The following ANKRD30BL variants were observed in gnomAD, a reference collection of about 807,000 sequenced individuals.
ANKRD30BL encodes putative ankyrin repeat domain-containing protein 30B-like.
In ANKRD30BL, 20 loss-of-function variants were observed where a neutral mutation model predicts 18.4. The observed-to-expected ratio is 1.09, with a 90% CI of 0.77 to 1.58. ANKRD30BL has a LOEUF of 1.58. Ranked by LOEUF, ANKRD30BL falls within the 40% of genes most tolerant of loss-of-function variation. ANKRD30BL has a pLI of 0.00. For missense variants in ANKRD30BL, 224 were observed against 268.6 expected (o/e 0.83, Z 1.16); for synonymous variants, 72 against 100.9 (o/e 0.71, Z 1.72).
chr2:132,194,059 A>ACACACACACACACACT (rs1353609107), intron 1 of ANKRD30BL, among the ~76,000 whole-genome samples: 3 of 150,054 alleles, frequency 2.0e-5, no homozygotes, highest in East Asian at 2.0e-4. Context: ...TCTCTCTCAC[A>ACACACACACACACACT]CACACACACA....
intron 1 of ANKRD30BL, among the ~76,000 whole-genome samples, chr2:132,221,456 G>A (rs539206464): frequency 0.012 from 1,533 of 124,734 alleles, 33 homozygotes; most frequent in African/African-American, 0.061. Context: ...CACCCCGTCC[G>A]GGAGGTGAGG....
Position 132,192,597 on chromosome 2 carries a change from A to G in ANKRD30BL, n.442-35451T>C, listed in dbSNP as rs954994158. ...TCATGAGGTGGAAATAGTAAATATG[A>G]GACAAAGGCCAAGCAAGATGAGAGC... On this transcript the variant is annotated intron_variant and non_coding_transcript_variant, in intron 1 of 4. Coordinates refer to the ANKRD30BL transcript ENST00000470729. Among the ~76,000 whole-genome samples the G allele has an allele frequency of 1.0e-3, 153 of 152,380 alleles. 1 individual carries two copies. Among genetic ancestry groups the G allele is most frequent in the African/African-American group, 3.4e-3 (143 of 41,594 alleles).
At chr2:132,166,901 C>T (rs1415781318), upstream of ANKRD30BL, among the ~76,000 whole-genome samples, 1 of 151,854 alleles carries the variant, frequency 6.6e-6, no homozygotes, top group Non-Finnish European at 1.5e-5. Context: ...GATTTTATCT[C>T]TTTTTTCATA....
At chr2:132,231,611 G>T (rs1025139065) in intron 1 of ANKRD30BL, among the ~76,000 whole-genome samples, 2 of 152,168 alleles carry the variant, frequency 1.3e-5, no homozygotes, top group Non-Finnish European at 2.9e-5. Context: ...ACTCCCACCC[G>T]AATATAGCGC....
chr2:132,181,100 C>T (rs1688452589), intron 1 of ANKRD30BL, among the ~76,000 whole-genome samples: 2 of 151,688 alleles, frequency 1.3e-5, no homozygotes, highest in African/African-American at 2.4e-5. Context: ...GCCAAGATCC[C>T]GCCACTGCAC....
intron 1 of ANKRD30BL, among the ~76,000 whole-genome samples, chr2:132,196,008 G>C (rs998448034): frequency 2.6e-5 from 4 of 151,380 alleles, no homozygotes; most frequent in African/African-American, 9.7e-5. Flanking sequence ...CCAGCATGGT[G>C]GTGGGCACCT....
At chr2:132,246,265 C>A (rs368294088) in intron 1 of ANKRD30BL, among the ~76,000 whole-genome samples, 1 of 151,306 alleles carries the variant, frequency 6.6e-6, no homozygotes, top group Admixed American at 6.6e-5. Context: ...AAACTTGGAG[C>A]GCTTTGAGGT....
intron 4 of ANKRD30BL, among the ~76,000 whole-genome samples, chr2:132,154,315 A>G (rs1430883379): frequency 6.6e-6 from 1 of 152,218 alleles, no homozygotes; most frequent in East Asian, 1.9e-4. Flanking sequence ...GAAAAATACT[A>G]TAAAGGTGTT....
intron 1 of ANKRD30BL, among the ~76,000 whole-genome samples, chr2:132,246,449 G>A (rs143588511): frequency 2.4e-4 from 37 of 151,498 alleles, no homozygotes; most frequent in East Asian, 5.8e-4. Flanking sequence ...TGAGTATTTC[G>A]TTGGAAATGG....
chr2:132,201,022 C>G (rs368499432), intron 1 of ANKRD30BL, among the ~76,000 whole-genome samples: 1 of 152,066 alleles, frequency 6.6e-6, no homozygotes, highest in Non-Finnish European at 1.5e-5. Context: ...TTTGACAAAC[C>G]TGAGAAAAAC....
intron 1 of ANKRD30BL, among the ~76,000 whole-genome samples, chr2:132,222,147 G>A (rs556231826): frequency 1.0e-4 from 15 of 148,392 alleles, no homozygotes; most frequent in South Asian, 8.4e-4. Flanking sequence ...GCCTCTGCCC[G>A]GCCACCCCTA....
chr2:132,236,054 T>A (rs529842977), intron 1 of ANKRD30BL, among the ~76,000 whole-genome samples: 7,231 of 152,126 alleles, frequency 0.048, 199 homozygotes, highest in African/African-American at 0.059. Context: ...AACTATCTGA[T>A]CTTTGACAAA....
intron 1 of ANKRD30BL, among the ~76,000 whole-genome samples, chr2:132,212,970 C>T (rs1029690286): frequency 1.1e-4 from 16 of 149,578 alleles, no homozygotes; most frequent in African/African-American, 3.2e-4. Context: ...TGGTGGAAAA[C>T]GAAATATCTT....
intron 1 of ANKRD30BL, among the ~76,000 whole-genome samples, chr2:132,234,434 A>C (rs199715794): frequency 0.021 from 3,174 of 151,902 alleles, 99 homozygotes; most frequent in African/African-American, 0.072. Flanking sequence ...ATTGATAGAC[A>C]GCTAGCAAGA....
intron 1 of ANKRD30BL, among the ~76,000 whole-genome samples, chr2:132,202,644 T>G (rs1201832401): frequency 1.3e-5 from 2 of 152,042 alleles, no homozygotes; most frequent in African/African-American, 4.8e-5. Context: ...GTAAAAAAAT[T>G]TTAAAAACAA....
chr2:132,227,604 C>G (rs557243452), intron 1 of ANKRD30BL, among the ~76,000 whole-genome samples: 2 of 152,268 alleles, frequency 1.3e-5, no homozygotes, highest in South Asian at 4.1e-4. Context: ...TGTGTACATT[C>G]AACTCACAGA....
intron 1 of ANKRD30BL, among the ~76,000 whole-genome samples, chr2:132,239,630 G>A (rs1449954358): frequency 4.6e-5 from 7 of 151,906 alleles, no homozygotes; most frequent in African/African-American, 1.7e-4. Context: ...CGTTAGAAAC[G>A]GGATTATCTT....
intron 1 of ANKRD30BL, among the ~76,000 whole-genome samples, chr2:132,232,943 G>A (rs533473815): frequency 5.3e-5 from 8 of 152,098 alleles, no homozygotes; most frequent in East Asian, 1.9e-4. Flanking sequence ...GAGAAAGGTC[G>A]GGTTACCCTC....
intron 1 of ANKRD30BL, among the ~76,000 whole-genome samples, chr2:132,247,326 T>C (rs75727744): frequency 1.3e-5 from 2 of 151,862 alleles, no homozygotes; most frequent in African/African-American, 2.4e-5. Context: ...TATCTTCACA[T>C]AAAAACTAGA....
Sources: allele counts gnomAD v4.1 joint callset (sites outside exome capture counted in the v4.1 genomes callset), GRCh38; gene constraint gnomAD v4.1.1; transcripts MANE v1.5; gene names NCBI Gene and HGNC (gene_info 2026-07-23, HGNC 2026-07-21).